Variants in CCDC126 observed in about 807,000 individuals in gnomAD.
CCDC126 encodes the protein coiled-coil domain-containing protein 126.
A neutral mutation model predicts 11.7 loss-of-function variants in CCDC126; 5 were observed. The ratio of observed to expected loss-of-function variants is 0.43; its 90% CI spans 0.22 to 0.90. The LOEUF (loss-of-function observed/expected upper bound fraction) is 0.90. Among genes scored for constraint, CCDC126 ranks in the 40% least tolerant of loss-of-function variants. The pLI is 0.27. For missense variants in CCDC126, 150 were observed against 163.1 expected (o/e 0.92, Z 0.44); for synonymous variants, 60 against 61.9 (o/e 0.97, Z 0.14).
chr7:23,631,516 C>T (rs565579004), intron 3 of CCDC126, among the ~76,000 whole-genome samples: 11 of 152,212 alleles, frequency 7.2e-5, no homozygotes, highest in Admixed American at 3.3e-4. Context: ...TCTGTAATCC[C>T]AGCACTTTGG....
intron 3 of CCDC126, among the ~76,000 whole-genome samples, chr7:23,617,329 C>T (rs1782810677): frequency 1.9e-5 from 2 of 104,666 alleles, no homozygotes; most frequent in African/African-American, 7.6e-5. Context: ...ATCTGGGGAA[C>T]AGAGTGAGAT....
At chr7:23,623,113 G>T (rs1411665286) in intron 3 of CCDC126, among the ~76,000 whole-genome samples, 4 of 149,714 alleles carry the variant, frequency 2.7e-5, no homozygotes, top group Non-Finnish European at 3.0e-5. Flanking sequence ...GGCTGGGATT[G>T]CAGGCTCGCG....
intron 2 of CCDC126, among the ~76,000 whole-genome samples, chr7:23,600,855 G>A (rs1017084742): frequency 6.6e-6 from 1 of 152,138 alleles, no homozygotes; most frequent in Admixed American, 6.6e-5. Context: ...CAGGGAGTGT[G>A]AAATGCAGTA....
intron 3 of CCDC126, among the ~76,000 whole-genome samples, chr7:23,620,300 T>A (rs1782869808): frequency 1.3e-5 from 2 of 152,262 alleles, no homozygotes; most frequent in African/African-American, 2.4e-5. Context: ...GGTATCTCAT[T>A]GTGGTTTTGA....
intron 3 of CCDC126, among the ~76,000 whole-genome samples, chr7:23,626,590 A>G (rs1703082545): frequency 6.6e-6 from 1 of 152,106 alleles, no homozygotes; most frequent in Non-Finnish European, 1.5e-5. Flanking sequence ...CATTGTACAT[A>G]TTATTATATC....
At chr7:23,597,796 C>T (rs1469680533) in intron 1 of CCDC126, 171 bp from the exon 2 acceptor site, 1 of 152,148 alleles carries the variant, frequency 6.6e-6, no homozygotes, top group Non-Finnish European at 1.5e-5. Context: ...TTGTCCCTTC[C>T]TTTGGGCCGC....
At chr7:23,641,525 C>G (rs1407576492) in intron 3 of CCDC126, among the ~76,000 whole-genome samples, 3 of 152,298 alleles carry the variant, frequency 2.0e-5, no homozygotes, top group Non-Finnish European at 4.4e-5. Flanking sequence ...TCCAGTTTAT[C>G]TATTTTCTCT....
At chr7:23,634,600 T>A (rs1783174801) in intron 3 of CCDC126, among the ~76,000 whole-genome samples, 1 of 152,236 alleles carries the variant, frequency 6.6e-6, no homozygotes, top group South Asian at 2.1e-4. Flanking sequence ...CTCTGTTCTA[T>A]TTCTCAAGGA....
intron 3 of CCDC126, among the ~76,000 whole-genome samples, chr7:23,631,803 C>G (rs573785228): frequency 7.2e-4 from 109 of 151,772 alleles, no homozygotes; most frequent in African/African-American, 2.5e-3. Context: ...AAGTCCCCCC[C>G]CACCCTGAAA....
intron 2 of CCDC126, among the ~76,000 whole-genome samples, chr7:23,608,833 A>G (rs1450059778): frequency 1.3e-5 from 2 of 152,204 alleles, no homozygotes; most frequent in African/African-American, 2.4e-5. Context: ...TTTTATTATT[A>G]CTCAAACCCA....
chr7:23,617,958 A>G (rs1011162611), intron 3 of CCDC126, among the ~76,000 whole-genome samples: 4 of 152,220 alleles, frequency 2.6e-5, no homozygotes, highest in African/African-American at 9.6e-5. Context: ...AATTCCCTAC[A>G]GATACAGAGA....
At chr7:23,636,202 C>T (rs1486779773) in intron 3 of CCDC126, among the ~76,000 whole-genome samples, 2 of 152,248 alleles carry the variant, frequency 1.3e-5, no homozygotes, top group South Asian at 4.1e-4. Context: ...GTGGCGTGAT[C>T]TCGGCTCGCT....
chr7:23,604,652 G>A (rs1028514871), intron 2 of CCDC126, among the ~76,000 whole-genome samples: 2 of 151,994 alleles, frequency 1.3e-5, no homozygotes, highest in Non-Finnish European at 2.9e-5. Context: ...CAGGCCTTAG[G>A]GAGATAAAAT....
intron 3 of CCDC126, among the ~76,000 whole-genome samples, chr7:23,612,162 A>G (rs1269927161): frequency 6.6e-6 from 1 of 151,710 alleles, no homozygotes; most frequent in East Asian, 1.9e-4. Context: ...AAAAAAAAAA[A>G]AAATGTATCT....
At chr7:23,625,822 A>AT (rs1238730082) in intron 3 of CCDC126, among the ~76,000 whole-genome samples, 9 of 150,574 alleles carry the variant, frequency 6.0e-5, no homozygotes, top group South Asian at 2.1e-4. Flanking sequence ...CGCCCAGCTA[A>AT]TTTTTTTTGT....
chr7:23,636,201 T>A (rs538430199), intron 3 of CCDC126, among the ~76,000 whole-genome samples: 1 of 152,316 alleles, frequency 6.6e-6, no homozygotes, highest in Non-Finnish European at 1.5e-5. Context: ...AGTGGCGTGA[T>A]CTCGGCTCGC....
At chr7:23,618,538 A>ATTTTTTTTTTT (rs5741645) in intron 3 of CCDC126, among the ~76,000 whole-genome samples, 1 of 119,618 alleles carries the variant, frequency 8.4e-6, no homozygotes, top group Non-Finnish European at 1.7e-5. Context: ...GATCAGCTAA[A>ATTTTTTTTTTT]TTTTTTTTTT....
intron 2 of CCDC126, among the ~76,000 whole-genome samples, chr7:23,609,094 A>G (rs1782664508): frequency 6.6e-6 from 1 of 152,066 alleles, no homozygotes; most frequent in Admixed American, 6.6e-5. Context: ...ATTGATCTTC[A>G]GTTTGACAAT....
Position 23,643,292 on chromosome 7 carries a change from T to C in CCDC126, c.*177T>C. ...TCTGTACATAAAAATTTTAAAGTTA[T>C]TTGTTTGCTTTCAGGCAAGTCTGTT... is the stretch of plus-strand genomic sequence containing the variant. On this transcript the variant is annotated 3_prime_UTR_variant, in exon 4 of 4. Transcript: ENST00000307471. The C allele has an allele frequency of 1.7e-6, 1 of 578,754 alleles. No homozygotes were observed. Among genetic ancestry groups the C allele is most frequent in the Non-Finnish European group, 2.9e-6 (1 of 347,676 alleles). 35.9% of individuals were successfully genotyped at this position (578,754 alleles called of 1,614,324 possible). A position where few individuals can be genotyped will look rare whatever the true frequency, so the allele number is the denominator to read the frequency against.
Sources: gnomAD v4.1 joint callset for allele counts (sites outside exome capture counted in the v4.1 genomes callset) on GRCh38, gnomAD v4.1.1 for gene constraint, MANE v1.5 for transcripts, NCBI Gene and HGNC (gene_info 2026-07-23, HGNC 2026-07-21) for gene names.